LRP1B: variants seen among roughly 807,000 people sequenced by gnomAD.
LRP1B encodes the protein low-density lipoprotein receptor-related protein 1B.
In LRP1B, 217 loss-of-function variants were observed where a neutral mutation model predicts 556.6. The observed-to-expected ratio is 0.39, with a 90% CI of 0.35 to 0.44. The LOEUF is 0.44. LRP1B is among the 20% of genes least tolerant of loss of function. The pLI is 1.00. For synonymous variants in LRP1B, 2,047 were observed against 1,865.8 expected, an observed-to-expected ratio of 1.10 and a Z score of -2.50; for missense variants, 5,053 against 5,620.8, an observed-to-expected ratio of 0.90 and a Z score of 3.23.
chr2:140,345,073 A>G (rs979861329), intron 77 of LRP1B, among the ~76,000 whole-genome samples: 1 of 151,734 alleles, frequency 6.6e-6, no homozygotes, highest in Non-Finnish European at 1.5e-5. Context: ...CACTGCTGCC[A>G]ACATTTTGCT....
intron 46 of LRP1B, among the ~76,000 whole-genome samples, chr2:140,536,108 G>A (rs1035146259): frequency 1.3e-5 from 2 of 151,926 alleles, no homozygotes; most frequent in Non-Finnish European, 2.9e-5. Flanking sequence ...TGCTAAAGAT[G>A]AATAAGTCGG....
At chr2:140,842,477 C>G (rs971602225) in intron 29 of LRP1B, among the ~76,000 whole-genome samples, 1 of 152,180 alleles carries the variant, frequency 6.6e-6, no homozygotes, top group African/African-American at 2.4e-5. Flanking sequence ...AATCAAGAAC[C>G]CTCTCACTCT....
intron 1 of LRP1B, among the ~76,000 whole-genome samples, chr2:142,071,096 G>A (rs900425285): frequency 6.6e-6 from 1 of 151,874 alleles, no homozygotes; most frequent in East Asian, 1.9e-4. Context: ...GGAATGGTGG[G>A]TAGGAGGGGA....
At chr2:141,247,604 G>T (rs1327838837) in intron 4 of LRP1B, among the ~76,000 whole-genome samples, 1 of 152,074 alleles carries the variant, frequency 6.6e-6, no homozygotes, top group African/African-American at 2.4e-5. Flanking sequence ...TGATAGTCAG[G>T]CTAGAAGTCT....
At chr2:140,867,504 T>C (rs1692986453) in intron 27 of LRP1B, 86 bp downstream of exon 27, 11 of 1,383,708 alleles carry the variant, frequency 7.9e-6, no homozygotes, top group South Asian at 1.7e-5. Flanking sequence ...TTTTAACTTA[T>C]AGAAGTTATT....
chr2:142,072,857 C>T (rs1269827566), intron 1 of LRP1B, among the ~76,000 whole-genome samples: 2 of 151,918 alleles, frequency 1.3e-5, no homozygotes, highest in Non-Finnish European at 2.9e-5. Flanking sequence ...GATGCATCTG[C>T]CAAAATAATT....
chr2:141,996,806 C>T (rs1181698486), intron 1 of LRP1B, among the ~76,000 whole-genome samples: 1 of 150,368 alleles, frequency 6.7e-6, no homozygotes, highest in Non-Finnish European at 1.5e-5. Context: ...TTTTTATATA[C>T]GCATTTGAAA....
chr2:141,571,946 G>A (rs188582217), intron 2 of LRP1B, among the ~76,000 whole-genome samples: 68 of 152,168 alleles, frequency 4.5e-4, no homozygotes, highest in African/African-American at 1.5e-3. Flanking sequence ...AGACTGAACC[G>A]ACGATTGATT....
chr2:141,445,501 T>C (rs1681155206), intron 3 of LRP1B, among the ~76,000 whole-genome samples: 1 of 152,240 alleles, frequency 6.6e-6, no homozygotes, highest in African/African-American at 2.4e-5. Flanking sequence ...TCTAGTTCTT[T>C]TAATTGTGAT....
At chr2:140,420,482 G>C (rs971809140) in intron 66 of LRP1B, among the ~76,000 whole-genome samples, 5 of 152,122 alleles carry the variant, frequency 3.3e-5, no homozygotes, top group Non-Finnish European at 7.3e-5. Context: ...TTCTTTAAGG[G>C]TTAAAAATAT....
intron 33 of LRP1B, among the ~76,000 whole-genome samples, chr2:140,773,448 G>A (rs1689386844): frequency 6.6e-6 from 1 of 151,974 alleles, no homozygotes; most frequent in African/African-American, 2.4e-5. Context: ...CAGCCTGGGT[G>A]ACAGAGTGAG....
rs372127453 is a variant in LRP1B, at chr2:141,947,244, C to T, written c.83-136843G>A. Among the ~76,000 whole-genome samples, 13 of 152,052 alleles carry T rather than the reference C, an allele frequency of 8.5e-5. No individual in the cohort carries two copies. In the South Asian group the frequency reaches 2.7e-3, roughly 32 times the overall value. On this transcript the variant is annotated intron_variant, in intron 1 of 90. Transcript: ENST00000389484. ...TTCAGGAGTTGGAGACCAGCGTGGC[C>T]AACATGGTGAAACTGTGTCTCTACT...
chr2:140,452,430 T>A (rs1184864806), intron 62 of LRP1B, among the ~76,000 whole-genome samples: 1 of 152,144 alleles, frequency 6.6e-6, no homozygotes, highest in Admixed American at 6.5e-5. Context: ...CAATTTCTCC[T>A]GGTATATCAA....
chr2:140,934,868 G>A (rs1203996451), intron 20 of LRP1B, among the ~76,000 whole-genome samples: 1 of 152,046 alleles, frequency 6.6e-6, no homozygotes, highest in East Asian at 1.9e-4. Context: ...TTCCCCTTTT[G>A]GGAGCTAGAT....
intron 9 of LRP1B, among the ~76,000 whole-genome samples, chr2:141,057,653 C>T (rs1176142416): frequency 6.6e-6 from 1 of 151,852 alleles, no homozygotes; most frequent in Non-Finnish European, 1.5e-5. Context: ...TGGCTATCCA[C>T]ATAAGATGTG....
intron 7 of LRP1B, among the ~76,000 whole-genome samples, chr2:141,105,176 A>G (rs775827632): frequency 1.2e-4 from 18 of 152,200 alleles, no homozygotes; most frequent in Non-Finnish European, 1.2e-4. Context: ...CAGTTTTTGT[A>G]GATATCTCAT....
At chr2:140,273,509 A>T (rs929281593) in intron 85 of LRP1B, among the ~76,000 whole-genome samples, 1 of 152,162 alleles carries the variant, frequency 6.6e-6, no homozygotes, top group African/African-American at 2.4e-5. Flanking sequence ...GAGAGTAAAT[A>T]AAAAAATGTT....
At chr2:142,070,737 G>T (rs1396852377) in intron 1 of LRP1B, among the ~76,000 whole-genome samples, 1 of 151,818 alleles carries the variant, frequency 6.6e-6, no homozygotes, top group Non-Finnish European at 1.5e-5. Flanking sequence ...ATTCTTATCT[G>T]AAACCAGGCA....
At chr2:141,085,453 G>C (rs1485287084) in intron 7 of LRP1B, among the ~76,000 whole-genome samples, 3 of 152,242 alleles carry the variant, frequency 2.0e-5, no homozygotes, top group Middle Eastern at 3.4e-3. Flanking sequence ...TGATGTCCTT[G>C]TGAGAAGAGG....
Sources: gnomAD v4.1 joint callset for allele counts (sites outside exome capture counted in the v4.1 genomes callset) on GRCh38, gnomAD v4.1.1 for gene constraint, MANE v1.5 for transcripts, NCBI Gene and HGNC (gene_info 2026-07-23, HGNC 2026-07-21) for gene names.